The following PTPRG variants were observed in gnomAD, a reference collection of about 807,000 sequenced individuals.
The protein encoded by PTPRG is protein tyrosine phosphatase receptor type G.
In PTPRG, 102 loss-of-function variants were observed where a neutral mutation model predicts 165.3. That is an observed-to-expected ratio of 0.62 (90% CI 0.53 to 0.73). PTPRG has a LOEUF of 0.73. Among genes scored for constraint, PTPRG ranks in the 30% least tolerant of loss-of-function variants. PTPRG has a pLI of 0.00. For synonymous variants in PTPRG, 675 were observed against 669.5 expected (o/e 1.01, Z -0.13); for missense variants, 1,866 against 1,861.4 (o/e 1.00, Z -0.05).
chr3:61,618,170 A>G (rs1701350482), intron 1 of PTPRG, among the ~76,000 whole-genome samples: 1 of 152,230 alleles, frequency 6.6e-6, no homozygotes, highest in South Asian at 2.1e-4. Context: ...AGGATCAGCC[A>G]TGTGCTATGT....
intron 2 of PTPRG, among the ~76,000 whole-genome samples, chr3:61,751,854 G>A (rs1168126242): frequency 3.9e-5 from 6 of 152,156 alleles, no homozygotes; most frequent in East Asian, 1.9e-4. Context: ...TTAGCCAGGC[G>A]TAGCGGTGGG....
At chr3:61,918,274 C>T (rs1025659281) in intron 2 of PTPRG, among the ~76,000 whole-genome samples, 14 of 151,964 alleles carry the variant, frequency 9.2e-5, no homozygotes, top group African/African-American at 1.4e-4. Context: ...CAGAGAGAAA[C>T]GAGAATTAAG....
chr3:61,657,990 G>GCA (rs1241310859), intron 1 of PTPRG, among the ~76,000 whole-genome samples: 18 of 151,982 alleles, frequency 1.2e-4, no homozygotes, highest in Non-Finnish European at 2.4e-4. Flanking sequence ...TGGTTATGGT[G>GCA]CTTCCCTACA....
intron 3 of PTPRG, among the ~76,000 whole-genome samples, chr3:61,990,033 A>G (rs973765090): frequency 1.3e-5 from 2 of 152,072 alleles, no homozygotes; most frequent in South Asian, 4.1e-4. Flanking sequence ...ATAAAGTATT[A>G]TACATCTAGA....
At chr3:61,626,047 T>C (rs1701600722) in intron 1 of PTPRG, among the ~76,000 whole-genome samples, 1 of 151,092 alleles carries the variant, frequency 6.6e-6, no homozygotes, top group Non-Finnish European at 1.5e-5. Flanking sequence ...AGATCACTTT[T>C]AGGCGACATT....
intron 2 of PTPRG, among the ~76,000 whole-genome samples, chr3:61,788,342 T>C (rs1038011928): frequency 4.6e-5 from 7 of 152,196 alleles, no homozygotes; most frequent in African/African-American, 1.7e-4. Context: ...ATCAAAATAT[T>C]AAAATTTGTG....
chr3:61,612,078 G>C (rs1367260050), intron 1 of PTPRG, among the ~76,000 whole-genome samples: 1 of 152,162 alleles, frequency 6.6e-6, no homozygotes, highest in Non-Finnish European at 1.5e-5. Context: ...GAGTGGCTGG[G>C]ACAACAGGCG....
chr3:61,632,605 T>C (rs564948629), intron 1 of PTPRG, among the ~76,000 whole-genome samples: 36 of 152,282 alleles, frequency 2.4e-4, no homozygotes, highest in African/African-American at 8.4e-4. Flanking sequence ...CAAAGAGCTT[T>C]CAAGTACATC....
intron 4 of PTPRG, among the ~76,000 whole-genome samples, chr3:62,038,029 A>T (rs941927184): frequency 5.3e-5 from 8 of 152,198 alleles, no homozygotes; most frequent in African/African-American, 1.7e-4. Context: ...TGTTGGAAGG[A>T]CATCCAGAAG....
At chr3:61,923,572 A>G (rs1450699108) in intron 2 of PTPRG, among the ~76,000 whole-genome samples, 6 of 109,014 alleles carry the variant, frequency 5.5e-5, no homozygotes, top group Non-Finnish European at 9.4e-5. Context: ...CCACCCCACA[A>G]CAGCCCCCGG....
chr3:61,601,110 G>A (rs1700854348), intron 1 of PTPRG, among the ~76,000 whole-genome samples: 1 of 152,120 alleles, frequency 6.6e-6, no homozygotes, highest in South Asian at 2.1e-4. Context: ...AGAAAAATTA[G>A]CCAGACGTGA....
At chr3:61,778,970 G>GAAGT (rs2034464703) in intron 2 of PTPRG, among the ~76,000 whole-genome samples, 1 of 152,040 alleles carries the variant, frequency 6.6e-6, no homozygotes, top group Non-Finnish European at 1.5e-5. Flanking sequence ...AGGAAGGAAG[G>GAAGT]AGCTGGATCC....
At chr3:61,694,691 A>G (rs1354219772) in intron 1 of PTPRG, among the ~76,000 whole-genome samples, 1 of 152,212 alleles carries the variant, frequency 6.6e-6, no homozygotes, top group African/African-American at 2.4e-5. Flanking sequence ...AAATTGTGAT[A>G]TATTTGTGCA....
chr3:61,885,688 T>TCTCCTCTCCTCTCCC (rs2038013999), intron 2 of PTPRG, among the ~76,000 whole-genome samples: 1 of 107,502 alleles, frequency 9.3e-6, no homozygotes, highest in Non-Finnish European at 2.0e-5. Context: ...TCTCCTCTCC[T>TCTCCTCTCCTCTCCC]CTCCTCTCCT....
intron 2 of PTPRG, among the ~76,000 whole-genome samples, chr3:61,875,750 G>A (rs1199255486): frequency 1.3e-5 from 2 of 152,134 alleles, no homozygotes; most frequent in Non-Finnish European, 2.9e-5. Context: ...ATTTCTCGCA[G>A]AGATGTAACT....
At chr3:61,698,179 G>T (rs1454177047) in intron 1 of PTPRG, among the ~76,000 whole-genome samples, 1 of 152,094 alleles carries the variant, frequency 6.6e-6, no homozygotes, top group East Asian at 1.9e-4. Flanking sequence ...TGTTATAGGG[G>T]CCTCAACCAT....
intron 2 of PTPRG, among the ~76,000 whole-genome samples, chr3:61,877,642 A>C (rs147805448): frequency 1.7e-4 from 26 of 152,386 alleles, no homozygotes; most frequent in African/African-American, 5.8e-4. Flanking sequence ...CATCGGAAAC[A>C]TGCTCATGGG....
rs1410852962 is a variant in PTPRG at position 61,610,769 on chromosome 3, CCCTA to C, written c.85+48401_85+48404del. On this transcript the variant is annotated intron_variant, in intron 1 of 29. Coordinates refer to ENST00000474889, the MANE Select transcript of PTPRG (RefSeq NM_002841.4). ...TCCCTGCCTCCCTCCCTCCCTCCCT[CCCTA>C]CCTCCCTCCCTCTCTCTCTCCATCT... Among the ~76,000 whole-genome samples, 176 of 124,022 alleles carry C rather than the reference CCCTA, an allele frequency of 1.4e-3. 6 individuals are homozygous for C. The highest frequency in any genetic ancestry group is 4.5e-3 in the Middle Eastern group (1 of 220). 81.4% of individuals were successfully genotyped at this position (124,022 alleles called of 152,430 possible).
intron 2 of PTPRG, among the ~76,000 whole-genome samples, chr3:61,829,998 CAGAAA>C (rs1318375785): frequency 6.6e-6 from 1 of 152,162 alleles, no homozygotes. Context: ...GGATAGCTCA[CAGAAA>C]AGAAGAGGAG....
Sources: gnomAD v4.1 joint callset for allele counts (sites outside exome capture counted in the v4.1 genomes callset) on GRCh38, gnomAD v4.1.1 for gene constraint, MANE v1.5 for transcripts, NCBI Gene and HGNC (gene_info 2026-07-23, HGNC 2026-07-21) for gene names.